Variants in SPTA1 observed in about 807,000 individuals in gnomAD.
SPTA1 encodes spectrin alpha, erythrocytic 1, also known as spectrin alpha chain, erythrocytic 1.
SPTA1 carries 177 observed loss-of-function variants against 324.7 expected under a neutral mutation model. The observed-to-expected ratio is 0.55, with a 90% CI of 0.48 to 0.62. SPTA1 has a LOEUF of 0.62. SPTA1 is among the 20% of genes least tolerant of loss of function. The probability of loss-of-function intolerance (pLI) is 0.00; values close to 1 mark genes in which losing one functional copy is unlikely to be tolerated. For missense variants in SPTA1, 3,162 were observed against 2,883.6 expected, an observed-to-expected ratio of 1.10 and a Z score of -2.21; for synonymous variants, 1,195 against 1,041.3, an observed-to-expected ratio of 1.15 and a Z score of -2.84.
In SPTA1 at chr1:158,636,082, C is replaced by T. The variant is rs754333143; in HGVS notation, c.5311-48G>A. 5 of 1,613,938 alleles carry T rather than the reference C, an allele frequency of 3.1e-6. No homozygotes were observed. In the Admixed American group the frequency reaches 5.0e-5, roughly 16 times the overall value. ...GTTCCATTACCCCACAATCTCTCCC[C>T]ATTTAGCCATAGTCCCTGAGCAAAG... On this transcript the variant is annotated intron_variant, in intron 37 of 51. Coordinates refer to ENST00000643759, the MANE Select transcript of SPTA1 (RefSeq NM_003126.4).
At chr1:158,678,083 G>A (rs1025015216) in intron 6 of SPTA1, among the ~76,000 whole-genome samples, 17 of 152,078 alleles carry the variant, frequency 1.1e-4, no homozygotes, top group South Asian at 2.1e-4. Context: ...AGCTCCTTAC[G>A]AATGCTTTTC....
At chr1:158,617,399 T>G in intron 47 of SPTA1, 138 bp downstream of exon 47, 2 of 720,416 alleles carry the variant, frequency 2.8e-6, no homozygotes, top group South Asian at 3.1e-5. Context: ...TTTATATTCA[T>G]GATGTGATGG....
In SPTA1 at chr1:158,659,595, A is replaced by ATTTTTT. The variant is rs1177353050; in HGVS notation, c.2587+1686_2587+1691dup. ...AAAAGAAAATAATAGTCTTAGCATT[A>ATTTTTT]TTTTTTTTTTTTTTTTTTTTTTTTT... On this transcript the variant is annotated intron_variant, in intron 18 of 51. Coordinates refer to ENST00000643759, the MANE Select transcript of SPTA1 (RefSeq NM_003126.4). 5.5e-3 allele frequency among the ~76,000 whole-genome samples: 377 copies of ATTTTTT among 68,772 alleles called. 100 individuals are homozygous for ATTTTTT. Among genetic ancestry groups the ATTTTTT allele is most frequent in the South Asian group, 0.042 (46 of 1,094 alleles). The allele number at this position is 68,772 out of a possible 152,430, so 45.1% of individuals were successfully genotyped here.
At chr1:158,635,537 G>A (rs953951537) in intron 38 of SPTA1, among the ~76,000 whole-genome samples, 5 of 152,120 alleles carry the variant, frequency 3.3e-5, no homozygotes, top group Admixed American at 2.0e-4. Flanking sequence ...TGGCTATATG[G>A]CTATAGGGAA....
intron 26 of SPTA1, 33 bp downstream of exon 26, chr1:158,648,476 A>G (rs762259840): frequency 1.2e-6 from 2 of 1,613,674 alleles, no homozygotes; most frequent in East Asian, 4.5e-5. Flanking sequence ...TAGACTGGAA[A>G]GTGTTGGAAA....
chr1:158,615,430 A>G, intron 47 of SPTA1, 27 bp from the exon 48 acceptor site: 7 of 1,612,748 alleles, frequency 4.3e-6, no homozygotes, highest in Non-Finnish European at 5.9e-6. Flanking sequence ...GAAGAGAGAC[A>G]ATTAGTTGCC....
In SPTA1 at chr1:158,674,634, C is replaced by A; in HGVS notation, c.1154G>T (p.Trp385Leu). Reference protein sequence around the residue: ...FSSDFDELSGWMNEKTAAINA... With the variant: ...FSSDFDELSGLMNEKTAAINA... ...GATCGCAGCAGTCTTCTCGTTCATC[C>A]AGCCTGAGAGTTCATCAAAGTCAGA... is the stretch of plus-strand genomic sequence containing the variant. The change falls in exon 9 of 52, where the codon TGG becomes TTG. Residue 385 changes from tryptophan (W) to leucine (L), a missense_variant. Trp to Leu is a moderately conservative substitution (Grantham distance 61). Transcript: ENST00000643759. 6.2e-7 allele frequency: 1 copy of A among 1,614,000 alleles called. No individual in the cohort carries two copies. Among genetic ancestry groups the A allele is most frequent in the Non-Finnish European group, 8.5e-7 (1 of 1,179,988 alleles).
intron 35 of SPTA1, chr1:158,639,298 G>A: frequency 4.8e-6 from 2 of 417,062 alleles, no homozygotes; most frequent in South Asian, 5.1e-5. Context: ...ATAGCTTAAA[G>A]ACAATTGGCT....
Position 158,614,907 on chromosome 1 carries a change from A to G in SPTA1, c.6788+309T>C, listed in dbSNP as rs186142105. ...GACATTACATTTTAGATAAAATTCT[A>G]TGAAAGGGAATGGTTTCCTAAGAGA... On this transcript the variant is annotated intron_variant, in intron 48 of 51. Coordinates refer to ENST00000643759, the MANE Select transcript of SPTA1 (RefSeq NM_003126.4). The G allele has an allele frequency of 6.8e-5, 21 of 309,644 alleles. No homozygotes were observed. The East Asian group carries it at 1.3e-3, about 18-fold the overall frequency. 19.2% of individuals were successfully genotyped at this position (309,644 alleles called of 1,614,324 possible). A position where few individuals can be genotyped will look rare whatever the true frequency, so the allele number is the denominator to read the frequency against.
At chr1:158,641,204 C>A (rs1197360724) in intron 33 of SPTA1, among the ~76,000 whole-genome samples, 1 of 152,102 alleles carries the variant, frequency 6.6e-6, no homozygotes, top group African/African-American at 2.4e-5. Context: ...ACCATAAAAA[C>A]CCTAGAAGAA....
intron 39 of SPTA1, 86 bp from the exon 40 acceptor site, chr1:158,627,809 C>T (rs1650377140): frequency 7.6e-7 from 1 of 1,316,410 alleles, no homozygotes; most frequent in Non-Finnish European, 1.1e-6. Context: ...GTCTATTATT[C>T]CCTAGGGTTG....
intron 51 of SPTA1, 98 bp downstream of exon 51, chr1:158,612,716 AAAC>A (rs1187082368): frequency 3.6e-6 from 5 of 1,392,520 alleles, no homozygotes; most frequent in African/African-American, 1.4e-5. Context: ...TGAAAAAAAA[AAAC>A]AAGTGGGTGG....
At chr1:158,637,930 CA>C (rs1571415837) in intron 36 of SPTA1, 102 bp downstream of exon 36, 1 of 1,364,176 alleles carries the variant, frequency 7.3e-7, no homozygotes, top group East Asian at 2.3e-5. Flanking sequence ...GTGCTATCTT[CA>C]AGAAACAAGT....
chr1:158,655,684 A>G (rs966539342), intron 20 of SPTA1, among the ~76,000 whole-genome samples: 1 of 152,224 alleles, frequency 6.6e-6, no homozygotes, highest in Non-Finnish European at 1.5e-5. Flanking sequence ...CATTAGAAAG[A>G]ATTCCTTGAA....
Position 158,652,787 on chromosome 1 carries a change from G to T in SPTA1, c.3189-134C>A. 2.9e-6 allele frequency: 3 copies of T among 1,024,820 alleles called. No individual in the cohort carries two copies. In the South Asian group the frequency reaches 4.5e-5, roughly 15 times the overall value. The allele number at this position is 1,024,820 out of a possible 1,614,324, so 63.5% of individuals were successfully genotyped here. A position where few individuals can be genotyped will look rare whatever the true frequency, so the allele number is the denominator to read the frequency against. On this transcript the variant is annotated intron_variant, in intron 22 of 51. Transcript: ENST00000643759. ...AATCAAAAGCAAAAGAATAGTAGAA[G>T]AGAGGAGGAAATAAACTTAGAAGGA...
chr1:158,670,916 A>G (rs938311909), intron 12 of SPTA1, among the ~76,000 whole-genome samples: 4 of 152,156 alleles, frequency 2.6e-5, no homozygotes, highest in African/African-American at 9.6e-5. Context: ...TAATGATTCT[A>G]TACTGAATAA....
chr1:158,619,921 G>C (rs1036728563), intron 44 of SPTA1, among the ~76,000 whole-genome samples: 1 of 151,982 alleles, frequency 6.6e-6, no homozygotes, highest in African/African-American at 2.4e-5. Flanking sequence ...ACCATGTCTT[G>C]GGGCTTCTGT....
At chr1:158,642,568 A>T in intron 32 of SPTA1, 26 bp from the exon 33 acceptor site, 1 of 1,612,790 alleles carries the variant, frequency 6.2e-7, no homozygotes, top group South Asian at 1.1e-5. Context: ...AACAGAAATT[A>T]TATTATCTTT....
chr1:158,664,665 ATAAAT>A (rs1653470924), intron 16 of SPTA1, among the ~76,000 whole-genome samples: 1 of 152,246 alleles, frequency 6.6e-6, no homozygotes, highest in African/African-American at 2.4e-5. Flanking sequence ...TTAAAGTAAA[ATAAAT>A]TAAAACCAAA....
Sources: gnomAD v4.1 joint callset for allele counts (sites outside exome capture counted in the v4.1 genomes callset) on GRCh38, gnomAD v4.1.1 for gene constraint, MANE v1.5 for transcripts, NCBI Gene and HGNC (gene_info 2026-07-23, HGNC 2026-07-21) for gene names.